The following MCC variants were observed in gnomAD, a reference collection of about 807,000 sequenced individuals.
MCC encodes the protein colorectal mutant cancer protein.
Under a neutral mutation model 116.2 loss-of-function variants are expected in MCC, and 90 were observed. The ratio of observed to expected loss-of-function variants is 0.77; its 90% CI spans 0.65 to 0.92. MCC has a LOEUF of 0.92. Among genes scored for constraint, MCC ranks in the 40% least tolerant of loss-of-function variants. MCC has a pLI of 0.00. For missense variants in MCC, 1,516 were observed against 1,312.2 expected (o/e 1.16, Z -2.40); for synonymous variants, 578 against 510.5 (o/e 1.13, Z -1.78).
At chr5:113,062,389 T>A (rs1402149962) in intron 14 of MCC, among the ~76,000 whole-genome samples, 1 of 152,242 alleles carries the variant, frequency 6.6e-6, no homozygotes, top group Non-Finnish European at 1.5e-5. Flanking sequence ...TCCTGACTGG[T>A]TCTAAATTTG....
At chr5:113,426,870 T>C (rs1000255472) in intron 1 of MCC, among the ~76,000 whole-genome samples, 1 of 152,180 alleles carries the variant, frequency 6.6e-6, no homozygotes, top group Non-Finnish European at 1.5e-5. Flanking sequence ...TATAATGCGA[T>C]GGGAGTGCAA....
intron 1 of MCC, among the ~76,000 whole-genome samples, chr5:113,406,101 C>T (rs27567): frequency 0.44 from 67,110 of 151,904 alleles, 16,338 homozygotes; most frequent in African/African-American, 0.64. Flanking sequence ...AAATAACAAC[C>T]GAGAAAGAAC....
chr5:113,197,152 A>T (rs994591011), intron 3 of MCC, among the ~76,000 whole-genome samples: 1 of 152,176 alleles, frequency 6.6e-6, no homozygotes, highest in African/African-American at 2.4e-5. Flanking sequence ...CTCCACTGTC[A>T]CGGGCTTCTT....
At chr5:113,293,496 C>T (rs13160856) in intron 3 of MCC, among the ~76,000 whole-genome samples, 2 of 152,200 alleles carry the variant, frequency 1.3e-5, no homozygotes, top group African/African-American at 4.8e-5. Context: ...CAGACTTCCT[C>T]TTCTTTTCAG....
chr5:113,096,553 T>C (rs565987139), intron 8 of MCC, among the ~76,000 whole-genome samples: 1 of 152,178 alleles, frequency 6.6e-6, no homozygotes, highest in Admixed American at 6.5e-5. Flanking sequence ...CAGAAACTTG[T>C]ACTGTTGAAT....
At chr5:113,486,409 C>T (rs348950) in intron 1 of MCC, among the ~76,000 whole-genome samples, 56,039 of 152,064 alleles carry the variant, frequency 0.37, 12,818 homozygotes, top group East Asian at 0.67. Context: ...ATTATCCTCC[C>T]GGGTAGAATC....
intron 2 of MCC, among the ~76,000 whole-genome samples, chr5:113,357,782 G>A (rs974519079): frequency 1.3e-5 from 2 of 152,134 alleles, no homozygotes; most frequent in South Asian, 2.1e-4. Flanking sequence ...CCTCCCAAGT[G>A]CTAGCAGGCC....
In MCC at chr5:113,256,709, T is replaced by C. The variant is rs1765018840; in HGVS notation, c.627+83810A>G. On this transcript the variant is annotated intron_variant, in intron 3 of 18. Coordinates refer to ENST00000408903, the MANE Select transcript of MCC (RefSeq NM_001085377.2). ...GGGAAGCCTGAGAGACATCCAAACTTAAGAGCTATCTGGCCGCTGCAGACA... is the reference window on the plus strand; with the variant it reads ...GGGAAGCCTGAGAGACATCCAAACTCAAGAGCTATCTGGCCGCTGCAGACA... 3.3e-5 allele frequency among the ~76,000 whole-genome samples: 5 copies of C among 152,146 alleles called. 1 individual carries two copies. The South Asian group carries it at 1.0e-3, about 32-fold the overall frequency.
At chr5:113,032,847 C>T (rs963855771) in intron 17 of MCC, among the ~76,000 whole-genome samples, 14 of 152,212 alleles carry the variant, frequency 9.2e-5, no homozygotes, top group Admixed American at 2.0e-4. Flanking sequence ...GACCTCTAAT[C>T]GTCCTCACTG....
chr5:113,442,761 T>C lies in MCC; in HGVS notation c.170+45484A>G, dbSNP rs146211605. Among the ~76,000 whole-genome samples the C allele has an allele frequency of 8.2e-3, 1,253 of 152,330 alleles. 19 individuals carry two copies. The highest frequency in any genetic ancestry group is 0.029 in the African/African-American group (1,203 of 41,578). ...CACCATTTATCAAATAGGGAATCCT[T>C]TCCCCATTGCTTGCTTGTGTCAGGT... On this transcript the variant is annotated intron_variant, in intron 1 of 18. Transcript: ENST00000408903.
intron 3 of MCC, among the ~76,000 whole-genome samples, chr5:113,207,314 G>T (rs937581513): frequency 2.8e-4 from 43 of 152,288 alleles, no homozygotes; most frequent in Middle Eastern, 3.4e-3. Context: ...GCAGAGGAAA[G>T]ATGTTTAGCA....
intron 3 of MCC, among the ~76,000 whole-genome samples, chr5:113,330,273 T>C (rs954595413): frequency 1.3e-5 from 2 of 152,250 alleles, no homozygotes; most frequent in Admixed American, 1.3e-4. Context: ...GAGTGATTCC[T>C]GAATCATTCT....
chr5:113,487,827 T>C (rs548361171), intron 1 of MCC, among the ~76,000 whole-genome samples: 2 of 152,316 alleles, frequency 1.3e-5, no homozygotes, highest in East Asian at 3.9e-4. Flanking sequence ...GGCCCTGGGG[T>C]GTCCACCAAG....
intron 3 of MCC, among the ~76,000 whole-genome samples, chr5:113,228,548 A>C (rs1430096199): frequency 6.6e-6 from 1 of 152,162 alleles, no homozygotes; most frequent in Non-Finnish European, 1.5e-5. Context: ...TGACCAATGT[A>C]TCTGGGGCAG....
intron 11 of MCC, among the ~76,000 whole-genome samples, chr5:113,073,989 T>G (rs1408835944): frequency 6.6e-6 from 1 of 152,252 alleles, no homozygotes; most frequent in Non-Finnish European, 1.5e-5. Context: ...AGACAACTTC[T>G]GCAGACTTAA....
chr5:113,327,561 A>AAAAATATAT (rs1480996383), intron 3 of MCC, among the ~76,000 whole-genome samples: 14 of 80,556 alleles, frequency 1.7e-4, no homozygotes, highest in African/African-American at 4.5e-4. Flanking sequence ...AAAAAAAAAA[A>AAAAATATAT]ATATATATAT....
chr5:113,115,196 C>T (rs1038938400), intron 6 of MCC, among the ~76,000 whole-genome samples: 1 of 152,120 alleles, frequency 6.6e-6, no homozygotes, highest in African/African-American at 2.4e-5. Flanking sequence ...CCTGTGTGCT[C>T]CTCCTCCCTT....
intron 3 of MCC, among the ~76,000 whole-genome samples, chr5:113,268,585 C>CCCT (rs373738780): frequency 1.8e-3 from 268 of 152,178 alleles, no homozygotes; most frequent in African/African-American, 5.7e-3. Flanking sequence ...TGTGCCCTGC[C>CCCT]CCTCCATCCA....
chr5:113,071,595 G>A (rs140649338), intron 11 of MCC, among the ~76,000 whole-genome samples: 169 of 152,304 alleles, frequency 1.1e-3, no homozygotes, highest in African/African-American at 3.9e-3. Context: ...GCTTAGATAA[G>A]TCACCCTCCA....
Sources: gnomAD v4.1 joint callset for allele counts (sites outside exome capture counted in the v4.1 genomes callset) on GRCh38, gnomAD v4.1.1 for gene constraint, MANE v1.5 for transcripts, NCBI Gene and HGNC (gene_info 2026-07-23, HGNC 2026-07-21) for gene names.